GXYLT2: variants seen among roughly 807,000 people sequenced by gnomAD.
GXYLT2 encodes the protein glucoside xylosyltransferase 2.
A neutral mutation model predicts 45.8 loss-of-function variants in GXYLT2; 53 were observed. The ratio of observed to expected loss-of-function variants is 1.16; its 90% CI spans 0.93 to 1.46. The LOEUF (loss-of-function observed/expected upper bound fraction) is 1.46, where lower values mean the gene tolerates loss of function less well. Among genes scored for constraint, GXYLT2 ranks in the 40% most tolerant of loss-of-function variants. The pLI, the probability that GXYLT2 is intolerant of heterozygous loss-of-function variation, is 0.00. For missense variants in GXYLT2, 551 were observed against 544.4 expected, an observed-to-expected ratio of 1.01 and a Z score of -0.12; for synonymous variants, 219 against 214.2, an observed-to-expected ratio of 1.02 and a Z score of -0.19.
At chr3:72,957,500 C>T in intron 5 of GXYLT2, 148 bp downstream of exon 5, 1 of 752,518 alleles carries the variant, frequency 1.3e-6, no homozygotes, top group Non-Finnish European at 2.1e-6. Context: ...CTTTCATCCG[C>T]CCCCCTGGGT....
At chr3:72,964,564 G>A (rs966672021) in intron 5 of GXYLT2, among the ~76,000 whole-genome samples, 5 of 151,150 alleles carry the variant, frequency 3.3e-5, no homozygotes, top group East Asian at 2.0e-4. Context: ...CTCGTGATCC[G>A]CCCGCCTTGG....
At chr3:72,966,319 T>G (rs935468839) in intron 5 of GXYLT2, among the ~76,000 whole-genome samples, 12 of 151,360 alleles carry the variant, frequency 7.9e-5, no homozygotes, top group African/African-American at 2.7e-4. Context: ...TTTCTTTGGT[T>G]TTTTGTTTGT....
At chr3:72,906,529 T>C (rs56054510) in intron 1 of GXYLT2, among the ~76,000 whole-genome samples, 2,684 of 152,318 alleles carry the variant, frequency 0.018, 71 homozygotes, top group African/African-American at 0.06. Flanking sequence ...CCATCCACTT[T>C]GACTCTTACT....
chr3:72,958,142 T>A (rs1710686292), intron 5 of GXYLT2, among the ~76,000 whole-genome samples: 1 of 151,662 alleles, frequency 6.6e-6, no homozygotes, highest in South Asian at 2.1e-4. Flanking sequence ...GATGTGGTGG[T>A]AGGCACCTGT....
rs1046540073 is a variant in GXYLT2 at position 72,965,988 on chromosome 3, G to T, written c.977-1559G>T. ...TAGGTGGGGTTTTTTTGTTGTGTTG[G>T]TTTTTGTTTTTGAGATGGAGTCTTA... is the stretch of plus-strand genomic sequence containing the variant. On this transcript the variant is annotated intron_variant, in intron 5 of 6. Coordinates refer to ENST00000389617, the MANE Select transcript of GXYLT2 (RefSeq NM_001080393.2). 2.6e-5 allele frequency among the ~76,000 whole-genome samples: 4 copies of T among 151,788 alleles called. No individual in the cohort carries two copies. The East Asian group carries it at 7.7e-4, about 29-fold the overall frequency.
At chr3:72,963,393 C>A (rs1424344182) in intron 5 of GXYLT2, among the ~76,000 whole-genome samples, 1 of 151,784 alleles carries the variant, frequency 6.6e-6, no homozygotes, top group South Asian at 2.1e-4. Context: ...GCCAACATGG[C>A]GAAACCCTGT....
chr3:72,901,300 A>C (rs1199095034), intron 1 of GXYLT2, among the ~76,000 whole-genome samples: 2 of 150,956 alleles, frequency 1.3e-5, no homozygotes, highest in Non-Finnish European at 2.9e-5. Context: ...AAAAAAAAAA[A>C]AAAAACAATT....
chr3:72,916,820 C>G (rs1291764061), intron 2 of GXYLT2, among the ~76,000 whole-genome samples: 3 of 151,698 alleles, frequency 2.0e-5, no homozygotes, highest in African/African-American at 7.3e-5. Context: ...CCTCGCCCAG[C>G]CGCAGTTGAG....
Position 72,949,502 on chromosome 3 carries a change from C to CTTTTTTTTTT in GXYLT2, c.601-5577_601-5568dup, listed in dbSNP as rs56323434. On this transcript the variant is annotated intron_variant, in intron 3 of 6. Coordinates refer to ENST00000389617, the MANE Select transcript of GXYLT2 (RefSeq NM_001080393.2). Reference sequence around the variant, plus strand: ...TATGTATCATTCTTTCTTTCTTTTTCTTTTTTTTTTTTTTTTTTTTTTTTT... The same window carrying CTTTTTTTTTT: ...TATGTATCATTCTTTCTTTCTTTTTCTTTTTTTTTTTTTTTTTTTTTTTTTTTTTTTTTTT... Among the ~76,000 whole-genome samples, 213 of 72,660 alleles carry CTTTTTTTTTT rather than the reference C, an allele frequency of 2.9e-3. 1 individual carries two copies. The highest frequency in any genetic ancestry group is 0.03 in the Middle Eastern group (2 of 66). The allele number at this position is 72,660 out of a possible 152,430, so 47.7% of individuals were successfully genotyped here. A position where few individuals can be genotyped will look rare whatever the true frequency, so the allele number is the denominator to read the frequency against.
At chr3:72,969,715 A>G (rs1400741181) in intron 6 of GXYLT2, among the ~76,000 whole-genome samples, 1 of 152,168 alleles carries the variant, frequency 6.6e-6, no homozygotes, top group Admixed American at 6.5e-5. Flanking sequence ...TGGTCTACAG[A>G]GTCTAAAATA....
intron 1 of GXYLT2, among the ~76,000 whole-genome samples, chr3:72,905,234 C>G (rs1267104037): frequency 3.3e-5 from 5 of 152,092 alleles, no homozygotes; most frequent in Non-Finnish European, 7.4e-5. Flanking sequence ...TCTCCTGCCT[C>G]AGCCTCCCAA....
At position 72,908,467 on chromosome 3, in the gene GXYLT2, G is replaced by A; in HGVS notation, c.376G>A (p.Val126Ile). 6.2e-7 allele frequency: 1 copy of A among 1,613,942 alleles called. No homozygotes were observed. The highest frequency in any genetic ancestry group is 1.1e-5 in the South Asian group (1 of 91,080). The stretch of plus-strand genomic sequence containing the variant: ...TGGCAATCGGCTGGAGGAGACGCTG[G>A]TCATGCTCAAATCAGCTGTGCTTTT... ...ACGNRLEETL[V>I]MLKSAVLFSH... Residue 126 changes from valine (V) to isoleucine (I), a missense_variant, in exon 2 of 7, where the codon GTC (valine) becomes ATC (isoleucine). Coordinates refer to ENST00000389617, the MANE Select transcript of GXYLT2 (RefSeq NM_001080393.2).
At chr3:72,912,462 A>G (rs902525286) in intron 2 of GXYLT2, among the ~76,000 whole-genome samples, 5 of 152,122 alleles carry the variant, frequency 3.3e-5, no homozygotes, top group African/African-American at 1.2e-4. Flanking sequence ...TTGTGATTGT[A>G]CGTTACTAAG....
chr3:72,944,263 C>T (rs7648421), intron 3 of GXYLT2, among the ~76,000 whole-genome samples: 5 of 141,266 alleles, frequency 3.5e-5, no homozygotes, highest in Non-Finnish European at 4.6e-5. Flanking sequence ...CTTTTTTTTT[C>T]TTTTTTTTTT....
chr3:72,943,855 T>A (rs1710347765), intron 3 of GXYLT2, among the ~76,000 whole-genome samples: 1 of 130,422 alleles, frequency 7.7e-6, no homozygotes, highest in African/African-American at 3.2e-5. Context: ...GAGAGCATCA[T>A]TTTTTTTTTT....
At chr3:72,953,164 A>G (rs554546408) in intron 3 of GXYLT2, among the ~76,000 whole-genome samples, 3 of 152,242 alleles carry the variant, frequency 2.0e-5, no homozygotes, top group African/African-American at 7.2e-5. Context: ...TGGCTTTTAC[A>G]TTTCATATGG....
chr3:72,959,937 GTGTTTGTT>G lies in GXYLT2; in HGVS notation c.976+2603_976+2610del, dbSNP rs371678279. ...GGCATGAGCCACCATGACCGGTTTT[GTGTTTGTT>G]TGTTTGTTTGTTTGTTTTGAGACGG... is the stretch of plus-strand genomic sequence containing the variant. On this transcript the variant is annotated intron_variant, in intron 5 of 6. Coordinates refer to ENST00000389617, the MANE Select transcript of GXYLT2 (RefSeq NM_001080393.2). Among the ~76,000 whole-genome samples, 14 of 150,452 alleles carry G rather than the reference GTGTTTGTT, an allele frequency of 9.3e-5. No homozygotes were observed. In the South Asian group the frequency reaches 2.3e-3, roughly 25 times the overall value.
chr3:72,947,917 G>A (rs1418297977), intron 3 of GXYLT2, among the ~76,000 whole-genome samples: 1 of 152,156 alleles, frequency 6.6e-6, no homozygotes. Context: ...ATTGCATAAC[G>A]ATGTAAGGAT....
intron 1 of GXYLT2, among the ~76,000 whole-genome samples, chr3:72,895,012 A>G (rs1262519262): frequency 1.3e-5 from 2 of 152,098 alleles, no homozygotes; most frequent in Non-Finnish European, 2.9e-5. Flanking sequence ...AGCCTCTTGA[A>G]CCTGGTGCTT....
Sources: gnomAD v4.1 joint callset for allele counts (sites outside exome capture counted in the v4.1 genomes callset) on GRCh38, gnomAD v4.1.1 for gene constraint, MANE v1.5 for transcripts, NCBI Gene and HGNC (gene_info 2026-07-23, HGNC 2026-07-21) for gene names.